The following ARID1B variants were observed in gnomAD, a reference collection of about 807,000 sequenced individuals.
The protein encoded by ARID1B is AT-rich interaction domain 1B, also known as AT-rich interactive domain-containing protein 1B.
In ARID1B, 30 loss-of-function variants were observed where a neutral mutation model predicts 212.3. The observed-to-expected ratio is 0.14, with a 90% CI of 0.11 to 0.19. ARID1B has a LOEUF of 0.19. Among genes scored for constraint, ARID1B ranks in the 10% least tolerant of loss-of-function variants. The pLI is 1.00. For synonymous variants in ARID1B, 1,402 were observed against 1,301.7 expected, an observed-to-expected ratio of 1.08 and a Z score of -1.66; for missense variants, 2,891 against 3,204.0, an observed-to-expected ratio of 0.90 and a Z score of 2.36.
chr6:156,802,855 A>C (rs1468911204), intron 1 of ARID1B, among the ~76,000 whole-genome samples: 2 of 152,222 alleles, frequency 1.3e-5, no homozygotes, highest in Non-Finnish European at 2.9e-5. Flanking sequence ...ATATGTGTAC[A>C]TATGTGTTTA....
chr6:156,971,935 T>C (rs1309271887), intron 4 of ARID1B, among the ~76,000 whole-genome samples: 4 of 152,090 alleles, frequency 2.6e-5, no homozygotes, highest in Non-Finnish European at 4.4e-5. Context: ...TCCCAACACA[T>C]TTACGGGTCC....
intron 8 of ARID1B, among the ~76,000 whole-genome samples, chr6:157,164,995 C>T (rs1014968587): frequency 1.3e-5 from 2 of 152,190 alleles, no homozygotes; most frequent in East Asian, 1.9e-4. Flanking sequence ...TCCCATCAGG[C>T]GCCACTTTTG....
At chr6:157,187,093 G>A (rs1286972950) in intron 13 of ARID1B, among the ~76,000 whole-genome samples, 1 of 152,204 alleles carries the variant, frequency 6.6e-6, no homozygotes. Flanking sequence ...GCCATGGGGT[G>A]TGGTTTGTGT....
chr6:156,873,716 C>T (rs953417258), intron 2 of ARID1B, among the ~76,000 whole-genome samples: 3 of 152,228 alleles, frequency 2.0e-5, no homozygotes, highest in South Asian at 2.1e-4. Flanking sequence ...CCTTCACTTA[C>T]GTGGGTTTGC....
rs190862898 is a variant in ARID1B, at chr6:157,034,357, T to C, written c.2248-50305T>C. ...GCAGATTATAGGCAAAGAATTAGTA[T>C]TTTAGCATCAATGCTGTGTCTTCCC... On this transcript the variant is annotated intron_variant, in intron 4 of 19. Coordinates refer to ENST00000636930, the MANE Select transcript of ARID1B (RefSeq NM_001374828.1). Among the ~76,000 whole-genome samples, 395 of 152,334 alleles carry C rather than the reference T, an allele frequency of 2.6e-3. 2 individuals carry two copies. Among genetic ancestry groups the C allele is most frequent in the African/African-American group, 8.8e-3 (368 of 41,584 alleles).
Position 157,151,823 on chromosome 6 carries a change from A to G in ARID1B, c.3089+2872A>G, listed in dbSNP as rs563465713. 5 of 152,368 alleles carry G rather than the reference A, an allele frequency of 3.3e-5. No individual in the cohort carries two copies. In the East Asian group the frequency reaches 9.6e-4, roughly 29 times the overall value. The allele number at this position is 152,368 out of a possible 1,614,324, so 9.4% of individuals were successfully genotyped here. ...GTTTAAACAGTAAACTTATAGAACT[A>G]TGCTTTCACTACTGGTTATGAATGC... On this transcript the variant is annotated intron_variant, in intron 8 of 19. Coordinates refer to ENST00000636930, the MANE Select transcript of ARID1B (RefSeq NM_001374828.1).
At chr6:156,999,793 A>G (rs1205048423) in intron 4 of ARID1B, among the ~76,000 whole-genome samples, 2 of 152,216 alleles carry the variant, frequency 1.3e-5, no homozygotes, top group Non-Finnish European at 2.9e-5. Flanking sequence ...TCGGCTTCCC[A>G]AAGTTCTGGG....
intron 8 of ARID1B, chr6:157,149,975 T>A (rs1233579427): frequency 6.6e-6 from 1 of 152,244 alleles, no homozygotes; most frequent in African/African-American, 2.4e-5. Flanking sequence ...ATCATTATCT[T>A]TCTTTCTGTC....
chr6:156,905,935 T>C (rs1789340005), intron 3 of ARID1B, among the ~76,000 whole-genome samples: 1 of 152,238 alleles, frequency 6.6e-6, no homozygotes, highest in Non-Finnish European at 1.5e-5. Context: ...CAGAAGCACT[T>C]TACTTGAATA....
At chr6:156,921,585 G>A (rs1790806559) in intron 3 of ARID1B, among the ~76,000 whole-genome samples, 1 of 152,000 alleles carries the variant, frequency 6.6e-6, no homozygotes, top group Admixed American at 6.6e-5. Context: ...TAGAAGATTG[G>A]TAAAGTTGAT....
At chr6:156,946,554 C>T (rs1024322676) in intron 4 of ARID1B, among the ~76,000 whole-genome samples, 5 of 152,118 alleles carry the variant, frequency 3.3e-5, no homozygotes, top group Non-Finnish European at 7.3e-5. Flanking sequence ...CGCATTGTAA[C>T]GCCCTTTTAA....
intron 1 of ARID1B, 101 bp from the exon 2 acceptor site, chr6:156,829,126 A>C: frequency 1.1e-6 from 1 of 951,944 alleles, no homozygotes; most frequent in Non-Finnish European, 1.6e-6. Context: ...TTTAAAACTT[A>C]AGGATAGTTG....
intron 4 of ARID1B, among the ~76,000 whole-genome samples, chr6:156,946,203 G>GAAAAA (rs58722867): frequency 3.1e-5 from 4 of 128,010 alleles, no homozygotes; most frequent in African/African-American, 1.1e-4. Context: ...CTAAAAATAC[G>GAAAAA]AAAAAAAAAA....
chr6:157,200,082 C>T lies in ARID1B; in HGVS notation c.4480-623C>T, dbSNP rs771800422. Among the ~76,000 whole-genome samples the T allele has an allele frequency of 3.9e-5, 6 of 152,170 alleles. No homozygotes were observed. Among genetic ancestry groups the T allele is most frequent in the Non-Finnish European group, 8.8e-5 (6 of 68,022 alleles). On this transcript the variant is annotated intron_variant, in intron 17 of 19. Coordinates refer to ENST00000636930, the MANE Select transcript of ARID1B (RefSeq NM_001374828.1). The surrounding 1 kb of genome is among the most constrained non-coding windows in gnomAD (Gnocchi z 4.3). ...ACCTACCCCGATTAAGCACTGGTCC[C>T]GGAGCATCCTGGGAAGCAAGCTTAA...
At chr6:157,151,429 A>G (rs1416289571) in intron 8 of ARID1B, 2 of 152,104 alleles carry the variant, frequency 1.3e-5, no homozygotes, top group Admixed American at 1.3e-4. Flanking sequence ...TGTGCCAAAA[A>G]CTTCTATTAT....
intron 4 of ARID1B, among the ~76,000 whole-genome samples, chr6:156,993,834 C>G (rs1431082314): frequency 1.1e-4 from 16 of 151,972 alleles, no homozygotes; most frequent in Admixed American, 1.0e-3. Context: ...GATAATATGT[C>G]CAAAAATTTA....
chr6:156,973,742 G>C (rs1342917030), intron 4 of ARID1B, among the ~76,000 whole-genome samples: 1 of 152,112 alleles, frequency 6.6e-6, no homozygotes, highest in East Asian at 1.9e-4. Context: ...CCCCCACTGT[G>C]TCCCTGCCCC....
chr6:157,024,736 A>AC (rs1780549954), intron 4 of ARID1B: 1 of 152,198 alleles, frequency 6.6e-6, no homozygotes, highest in Non-Finnish European at 1.5e-5. Context: ...GCACCAGTGG[A>AC]CTCCAGTGTT....
intron 2 of ARID1B, among the ~76,000 whole-genome samples, chr6:156,839,835 G>A (rs1783769713): frequency 6.6e-6 from 1 of 152,226 alleles, no homozygotes. Context: ...CACCACTGCT[G>A]CTGAAAGCCA....
Sources: allele counts gnomAD v4.1 joint callset (sites outside exome capture counted in the v4.1 genomes callset), GRCh38; gene constraint gnomAD v4.1.1; non-coding constraint Gnocchi (gnomAD v3.1); transcripts MANE v1.5; gene names NCBI Gene and HGNC (gene_info 2026-07-23, HGNC 2026-07-21).